TUT4: variants seen among roughly 807,000 people sequenced by gnomAD.
The protein encoded by TUT4 is terminal uridylyl transferase 4.
TUT4 carries 36 observed loss-of-function variants against 192.2 expected under a neutral mutation model. The ratio of observed to expected loss-of-function variants is 0.19; its 90% confidence interval spans 0.14 to 0.25. The LOEUF is 0.25. Among genes scored for constraint, TUT4 ranks in the 10% least tolerant of loss-of-function variants. The probability of loss-of-function intolerance (pLI) is 1.00; values close to 1 mark genes in which losing one functional copy is unlikely to be tolerated. For synonymous variants in TUT4, 618 were observed against 666.0 expected (o/e 0.93, Z 1.11); for missense variants, 1,493 against 1,957.2 (o/e 0.76, Z 4.47).
intron 1 of TUT4, among the ~76,000 whole-genome samples, chr1:52,542,512 C>A (rs1686951393): frequency 6.6e-6 from 1 of 152,034 alleles, no homozygotes; most frequent in Non-Finnish European, 1.5e-5. Context: ...CACACATTAA[C>A]CAAACAAAAC....
At chr1:52,488,001 A>C (rs1570856986) in intron 9 of TUT4, among the ~76,000 whole-genome samples, 2 of 152,188 alleles carry the variant, frequency 1.3e-5, no homozygotes, top group East Asian at 3.8e-4. Context: ...AAGCATTCTA[A>C]ATACCTAAGG....
At chr1:52,502,381 G>C (rs1452305519) in intron 4 of TUT4, among the ~76,000 whole-genome samples, 1 of 151,904 alleles carries the variant, frequency 6.6e-6, no homozygotes, top group Non-Finnish European at 1.5e-5. Flanking sequence ...GTATCCACCT[G>C]GTAAAACTAA....
At chr1:52,497,241 C>T in intron 4 of TUT4, 58 bp from the exon 5 acceptor site, 1 of 1,460,194 alleles carries the variant, frequency 6.8e-7, no homozygotes, top group Non-Finnish European at 9.1e-7. Flanking sequence ...TTTAATTGTT[C>T]TTATATTTAG....
intron 2 of TUT4, among the ~76,000 whole-genome samples, chr1:52,518,755 T>C (rs1679379249): frequency 6.6e-6 from 1 of 152,136 alleles, no homozygotes; most frequent in Non-Finnish European, 1.5e-5. Context: ...ATATTTAGAA[T>C]AGGCAAATAC....
chr1:52,458,522 ACAT>A (rs1661595687), intron 19 of TUT4, 73 bp from the exon 20 acceptor site: 1 of 1,168,340 alleles, frequency 8.6e-7, no homozygotes, highest in African/African-American at 1.5e-5. Flanking sequence ...ACATTCTGCC[ACAT>A]CATTTTTTTT....
intron 11 of TUT4, among the ~76,000 whole-genome samples, chr1:52,479,292 G>A (rs776815622): frequency 9.9e-5 from 15 of 152,180 alleles, no homozygotes; most frequent in Non-Finnish European, 1.8e-4. Flanking sequence ...TGAGTGTGGC[G>A]AGAGGGAAGG....
intron 19 of TUT4, among the ~76,000 whole-genome samples, chr1:52,460,007 T>A (rs1040989303): frequency 6.6e-6 from 1 of 152,166 alleles, no homozygotes; most frequent in Non-Finnish European, 1.5e-5. Context: ...TTAGCTTATA[T>A]CTATATTTAA....
chr1:52,456,411 CAAAAAAAAAAAAAA>C (rs1157223640), intron 20 of TUT4, among the ~76,000 whole-genome samples: 1 of 11,998 alleles, frequency 8.3e-5, no homozygotes, highest in South Asian at 3.8e-3. Context: ...GACTGTGTCT[CAAAAAAAAAAAAAA>C]AAAAAAAAAA....
At chr1:52,490,825 G>A (rs1670972506) in intron 7 of TUT4, 24 bp from the exon 8 acceptor site, 1 of 1,557,514 alleles carries the variant, frequency 6.4e-7, no homozygotes, top group African/African-American at 1.4e-5. Context: ...AAAAAAGTAA[G>A]CTAATGTCAA....
At chr1:52,426,249 G>GATTC (rs10661906) in intron 28 of TUT4, among the ~76,000 whole-genome samples, 14,268 of 152,032 alleles carry the variant, frequency 0.094, 1,961 homozygotes, top group African/African-American at 0.31. Context: ...TTGAACCTCA[G>GATTC]ATTATGAGGT....
intron 1 of TUT4, among the ~76,000 whole-genome samples, chr1:52,532,343 T>A (rs76914976): frequency 2.0e-4 from 30 of 151,938 alleles, no homozygotes; most frequent in African/African-American, 7.0e-4. Context: ...CTTTTTTTTT[T>A]TATACAGTAT....
intron 28 of TUT4, among the ~76,000 whole-genome samples, chr1:52,428,624 TAAAAAAAA>T (rs772389695): frequency 1.4e-5 from 1 of 72,904 alleles, no homozygotes; most frequent in South Asian, 5.4e-4. Flanking sequence ...AGACTCCCTC[TAAAAAAAA>T]AAAAAAAAAA....
intron 2 of TUT4, among the ~76,000 whole-genome samples, chr1:52,525,281 T>C (rs535048754): frequency 3.2e-4 from 49 of 152,328 alleles, no homozygotes; most frequent in African/African-American, 1.1e-3. Flanking sequence ...AGTGTGTATG[T>C]GTACGAGCAT....
intron 19 of TUT4, 49 bp from the exon 20 acceptor site, chr1:52,458,498 C>A: frequency 7.1e-7 from 1 of 1,400,404 alleles, no homozygotes; most frequent in Non-Finnish European, 1.0e-6. Flanking sequence ...TTACTCCATG[C>A]AGAAGTATAT....
intron 24 of TUT4, among the ~76,000 whole-genome samples, chr1:52,441,369 C>T (rs1207610986): frequency 1.3e-5 from 2 of 150,148 alleles, no homozygotes; most frequent in African/African-American, 4.9e-5. Flanking sequence ...ATGCAACCTC[C>T]GCCTCCCGGG....
chr1:52,515,796 CTT>C, intron 3 of TUT4, 93 bp downstream of exon 3: 2 of 1,450,254 alleles, frequency 1.4e-6, no homozygotes, highest in Non-Finnish European at 1.9e-6. Flanking sequence ...CAACCTCTGT[CTT>C]ATGAATAAAA....
chr1:52,442,167 C>CAAAAAGAA (rs772967210), intron 24 of TUT4, among the ~76,000 whole-genome samples: 4 of 76,382 alleles, frequency 5.2e-5, no homozygotes, highest in African/African-American at 2.0e-4. Context: ...GACTCCACCT[C>CAAAAAGAA]AAAAAAAAAA....
chr1:52,431,231 G>A lies in TUT4; in HGVS notation c.4493C>T (p.Pro1498Leu), dbSNP rs1316773382. The A allele has an allele frequency of 1.2e-6, 2 of 1,614,102 alleles. No homozygotes were observed. The highest frequency in any genetic ancestry group is 1.7e-6 in the Non-Finnish European group (2 of 1,180,052). The change falls in exon 28 of 30, where the codon CCT becomes CTT. Residue 1498 changes from proline (P) to leucine (L), a missense_variant. Physicochemically the swap from Pro to Leu is moderately conservative, Grantham distance 98. This residue lies in a region of TUT4 where 351 missense variants were observed against 397.8 expected (regional missense o/e 0.88). Transcript: ENST00000257177. ...CCAGGACGGGGCAGGGATCTGGAGA[G>A]GGTGCATTGGCAACAATCCCATATT... ...MHNMGLLPMH[P>L]LQIPAPSWPI...
intron 16 of TUT4, chr1:52,462,286 T>G (rs6664835): frequency 2.7e-5 from 4 of 150,728 alleles, no homozygotes; most frequent in African/African-American, 9.8e-5. Flanking sequence ...CCCGGGTTCA[T>G]GCCATTCTCC....
Sources: allele counts gnomAD v4.1 joint callset (sites outside exome capture counted in the v4.1 genomes callset), GRCh38; gene constraint gnomAD v4.1.1; regional missense constraint gnomAD v4.1.1; transcripts MANE v1.5; gene names NCBI Gene and HGNC (gene_info 2026-07-23, HGNC 2026-07-21).